Variants in SPRED2 observed in about 807,000 individuals in gnomAD.
SPRED2 encodes sprouty related EVH1 domain containing 2, also known as sprouty-related, EVH1 domain-containing protein 2.
A neutral mutation model predicts 43.0 loss-of-function variants in SPRED2; 47 were observed. That is an observed-to-expected ratio of 1.09 (90% confidence interval 0.87 to 1.40). SPRED2 has a LOEUF of 1.40. Ranked by LOEUF, SPRED2 falls within the 40% of genes most tolerant of loss-of-function variation. The pLI is 0.00. For missense variants in SPRED2, 561 were observed against 586.4 expected, an observed-to-expected ratio of 0.96 and a Z score of 0.45; for synonymous variants, 225 against 225.7, an observed-to-expected ratio of 1.00 and a Z score of 0.03.
At chr2:65,360,434 T>C (rs778709247) in intron 1 of SPRED2, among the ~76,000 whole-genome samples, 13 of 152,248 alleles carry the variant, frequency 8.5e-5, no homozygotes, top group Admixed American at 1.3e-4. Flanking sequence ...TGTTCGCATA[T>C]AGCGAATTAA....
At position 65,356,536 on chromosome 2, in the gene SPRED2, C is replaced by CTTTTTTTTTTTTT. The variant is rs1274369940; in HGVS notation, c.27-11653_27-11641dup. Among the ~76,000 whole-genome samples the CTTTTTTTTTTTTT allele has an allele frequency of 2.1e-4, 13 of 60,560 alleles. 1 individual carries two copies. The highest frequency in any genetic ancestry group is 3.4e-3 in the East Asian group (2 of 580). The allele number at this position is 60,560 out of a possible 152,430, so 39.7% of individuals were successfully genotyped here. On this transcript the variant is annotated intron_variant, in intron 1 of 5. Transcript: ENST00000356388. ...TTAGAGTGCAGTTCCCCAGTTCCCTCTTTTTTTTTTTTTTTTTTTTTTGTG... is the reference window on the plus strand; with the variant it reads ...TTAGAGTGCAGTTCCCCAGTTCCCTCTTTTTTTTTTTTTTTTTTTTTTTTTTTTTTTTTTTGTG...
intron 1 of SPRED2, among the ~76,000 whole-genome samples, chr2:65,375,169 CT>C (rs770034567): frequency 6.6e-6 from 1 of 152,224 alleles, no homozygotes; most frequent in Non-Finnish European, 1.5e-5. Context: ...CTTGCCACCC[CT>C]GATGTGCCTC....
intron 4 of SPRED2, among the ~76,000 whole-genome samples, chr2:65,331,353 A>G (rs1410017250): frequency 1.3e-5 from 2 of 152,252 alleles, no homozygotes; most frequent in Non-Finnish European, 2.9e-5. Context: ...TTGTTAATTA[A>G]CTTCTAGAAG....
Position 65,312,802 on chromosome 2 carries a change from A to C in SPRED2, c.*699T>G. ...CTCAATTCTCAGTCTATTACGGGTG[A>C]ATGTTTTGCATCAGTGAATCATTTC... On this transcript the variant is annotated 3_prime_UTR_variant, in exon 6 of 6. Transcript: ENST00000356388. The C allele has an allele frequency of 2.0e-6, 2 of 985,874 alleles. No individual in the cohort carries two copies. Among genetic ancestry groups the C allele is most frequent in the Non-Finnish European group, 1.2e-6 (1 of 829,942 alleles). The allele number at this position is 985,874 out of a possible 1,614,324, so 61.1% of individuals were successfully genotyped here. A position where few individuals can be genotyped will look rare whatever the true frequency, so the allele number is the denominator to read the frequency against.
chr2:65,407,935 G>A (rs1278460922), intron 1 of SPRED2, among the ~76,000 whole-genome samples: 3 of 152,196 alleles, frequency 2.0e-5, no homozygotes, highest in African/African-American at 7.2e-5. Flanking sequence ...GAGGTCTAAA[G>A]GGGCAAGAAG....
intron 1 of SPRED2, among the ~76,000 whole-genome samples, chr2:65,406,100 T>C (rs1676017847): frequency 6.6e-6 from 1 of 152,190 alleles, no homozygotes; most frequent in Non-Finnish European, 1.5e-5. Flanking sequence ...TAAATGGTGC[T>C]CCTGGCCTCT....
chr2:65,370,476 C>T (rs118020927), intron 1 of SPRED2, among the ~76,000 whole-genome samples: 3 of 152,232 alleles, frequency 2.0e-5, no homozygotes, highest in East Asian at 1.9e-4. Context: ...AGAAACCATA[C>T]GGTCCCCAAA....
chr2:65,362,491 C>T (rs1014607094), intron 1 of SPRED2, among the ~76,000 whole-genome samples: 2 of 152,014 alleles, frequency 1.3e-5, no homozygotes, highest in Non-Finnish European at 1.5e-5. Context: ...AGGATGGTCT[C>T]GATCTCCTGA....
chr2:65,366,760 A>G (rs1419182558), intron 1 of SPRED2: 19 of 1,456,386 alleles, frequency 1.3e-5, no homozygotes, highest in East Asian at 2.5e-5. Context: ...CTTGACAAAT[A>G]TACTGCATTG....
intron 1 of SPRED2, among the ~76,000 whole-genome samples, chr2:65,370,297 A>G (rs941814613): frequency 2.0e-5 from 3 of 150,400 alleles, no homozygotes; most frequent in Non-Finnish European, 4.4e-5. Context: ...GCCTGGCCAC[A>G]TACAGAACAC....
chr2:65,322,441 T>G (rs1212080722), intron 4 of SPRED2, among the ~76,000 whole-genome samples: 1 of 151,414 alleles, frequency 6.6e-6, no homozygotes, highest in Non-Finnish European at 1.5e-5. Flanking sequence ...CTATAGGCAC[T>G]TGCCACCACA....
At chr2:65,308,629 G>C (rs191074360), downstream of SPRED2, 2 of 884,680 alleles carry the variant, frequency 2.3e-6, no homozygotes, top group African/African-American at 3.6e-5. Flanking sequence ...CACCTGCTGC[G>C]TATCCCACTG....
intron 1 of SPRED2, among the ~76,000 whole-genome samples, chr2:65,346,898 C>T (rs1028511844): frequency 6.6e-6 from 1 of 152,166 alleles, no homozygotes; most frequent in South Asian, 2.1e-4. Flanking sequence ...ATCCCTGGCC[C>T]GATTCTTGAT....
chr2:65,345,259 G>GTTGTT (rs757675092), intron 1 of SPRED2, among the ~76,000 whole-genome samples: 1,309 of 111,326 alleles, frequency 0.012, 33 homozygotes, highest in African/African-American at 0.041. Context: ...TTTAGTTGTT[G>GTTGTT]TTTTTTTTTT....
At chr2:65,322,101 T>C (rs1181385796) in intron 4 of SPRED2, among the ~76,000 whole-genome samples, 1 of 151,856 alleles carries the variant, frequency 6.6e-6, no homozygotes, top group Non-Finnish European at 1.5e-5. Flanking sequence ...AAACTGTGAC[T>C]GCTGGTATAT....
rs542473761 is a variant in SPRED2, at chr2:65,383,587, G to A, written c.27-38691C>T. ...AACCCACCAAAGGCCGCTCCCCACC[G>A]TTACGTGGGTTCCCTATGTTCTGAG... On this transcript the variant is annotated intron_variant, in intron 1 of 5. Coordinates refer to ENST00000356388, the MANE Select transcript of SPRED2 (RefSeq NM_181784.3). Among the ~76,000 whole-genome samples the A allele has an allele frequency of 2.4e-4, 36 of 152,274 alleles. No individual in the cohort carries two copies. The South Asian group carries it at 6.8e-3, about 29-fold the overall frequency.
chr2:65,330,714 A>T (rs778398476), intron 4 of SPRED2, among the ~76,000 whole-genome samples: 9 of 152,232 alleles, frequency 5.9e-5, no homozygotes, highest in Non-Finnish European at 8.8e-5. Flanking sequence ...TGCATCTGCC[A>T]TTACGGTGAC....
At chr2:65,407,007 C>T (rs918451248) in intron 1 of SPRED2, among the ~76,000 whole-genome samples, 2 of 151,808 alleles carry the variant, frequency 1.3e-5, no homozygotes, top group Non-Finnish European at 2.9e-5. Flanking sequence ...CGGCTCACTG[C>T]AAGCTCCACC....
intron 1 of SPRED2, among the ~76,000 whole-genome samples, chr2:65,420,391 T>G (rs956825503): frequency 1.3e-5 from 2 of 152,198 alleles, no homozygotes; most frequent in Non-Finnish European, 2.9e-5. Context: ...TCTCACTTGT[T>G]TCAGTCCTCT....
Sources: gnomAD v4.1 joint callset for allele counts (sites outside exome capture counted in the v4.1 genomes callset) on GRCh38, gnomAD v4.1.1 for gene constraint, MANE v1.5 for transcripts, NCBI Gene and HGNC (gene_info 2026-07-23, HGNC 2026-07-21) for gene names.